Variants in SLC38A9 observed in about 807,000 individuals in gnomAD.
SLC38A9 encodes neutral amino acid transporter 9.
A neutral mutation model predicts 62.3 loss-of-function variants in SLC38A9; 48 were observed. That is an observed-to-expected ratio of 0.77 (90% CI 0.61 to 0.98). The LOEUF (loss-of-function observed/expected upper bound fraction) is 0.98. Among genes scored for constraint, SLC38A9 ranks in the 50% least tolerant of loss-of-function variants. SLC38A9 has a pLI of 0.00. For synonymous variants in SLC38A9, 204 were observed against 227.7 expected (o/e 0.90, Z 0.94); for missense variants, 541 against 679.8 (o/e 0.80, Z 2.27).
At chr5:55,690,947 T>C (rs6897117) in intron 3 of SLC38A9, among the ~76,000 whole-genome samples, 108,156 of 152,048 alleles carry the variant, frequency 0.71, 38,545 homozygotes, top group South Asian at 0.82. Context: ...CCTAAGACCT[T>C]AAGTACCAAA....
chr5:55,695,084 ACT>A (rs1389085080), intron 3 of SLC38A9, among the ~76,000 whole-genome samples: 2 of 151,560 alleles, frequency 1.3e-5, no homozygotes, highest in Non-Finnish European at 2.9e-5. Flanking sequence ...CAAAACAAAA[ACT>A]CTAAGTCCTA....
intron 8 of SLC38A9, among the ~76,000 whole-genome samples, chr5:55,659,707 C>G (rs1231916572): frequency 6.6e-6 from 1 of 151,584 alleles, no homozygotes; most frequent in Non-Finnish European, 1.5e-5. Context: ...TTTTAATTCA[C>G]AGATGATATG....
intron 14 of SLC38A9, 70 bp from the exon 15 acceptor site, chr5:55,628,050 G>C (rs2150006693): frequency 1.1e-6 from 1 of 916,536 alleles, no homozygotes; most frequent in African/African-American, 1.7e-5. Context: ...CCACTAATAT[G>C]AGACTACAGT....
chr5:55,671,378 T>A (rs1199442574), intron 4 of SLC38A9, among the ~76,000 whole-genome samples: 1 of 152,012 alleles, frequency 6.6e-6, no homozygotes, highest in Admixed American at 6.5e-5. Flanking sequence ...ATGAAGAATA[T>A]CATGTGACCT....
intron 3 of SLC38A9, chr5:55,693,075 C>T: frequency 1.2e-6 from 1 of 867,916 alleles, no homozygotes; most frequent in Non-Finnish European, 1.4e-6. Flanking sequence ...CATTGTGACT[C>T]AAAAAAATAA....
chr5:55,642,472 T>C (rs1158543590), intron 12 of SLC38A9, among the ~76,000 whole-genome samples: 2 of 152,194 alleles, frequency 1.3e-5, no homozygotes. Context: ...TACATGAGGT[T>C]GTTCTGTTAT....
chr5:55,692,319 G>C, intron 3 of SLC38A9, among the ~76,000 whole-genome samples: 1 of 152,176 alleles, frequency 6.6e-6, no homozygotes, highest in East Asian at 1.9e-4. Flanking sequence ...TATTGCCAAA[G>C]TCATAAGGTA....
At chr5:55,644,729 T>C (rs1433551049) in intron 12 of SLC38A9, among the ~76,000 whole-genome samples, 1 of 152,072 alleles carries the variant, frequency 6.6e-6, no homozygotes, top group Non-Finnish European at 1.5e-5. Flanking sequence ...GCATTATTAT[T>C]ATTATACTTT....
In SLC38A9 at chr5:55,657,591, TA is replaced by T. The variant is rs370271119; in HGVS notation, c.698-818del. 2.7e-3 allele frequency among the ~76,000 whole-genome samples: 417 copies of T among 151,998 alleles called. 1 individual carries two copies. Among genetic ancestry groups the T allele is most frequent in the African/African-American group, 9.4e-3 (388 of 41,464 alleles). The stretch of plus-strand genomic sequence containing the variant: ...AACCACTGAGTTAGACTAAAGGAAG[TA>T]ACAAAGAACAAAGCACATGCAGATG... On this transcript the variant is annotated intron_variant, in intron 8 of 15. Transcript: ENST00000396865.
At chr5:55,635,390 G>C (rs915664754) in intron 13 of SLC38A9, 154 bp downstream of exon 13, 2 of 681,698 alleles carry the variant, frequency 2.9e-6, no homozygotes, top group Non-Finnish European at 5.3e-6. Flanking sequence ...AAAGAAAAGG[G>C]AAGGTGCCTA....
chr5:55,711,228 G>A (rs905231829), intron 2 of SLC38A9: 1 of 152,026 alleles, frequency 6.6e-6, no homozygotes, highest in South Asian at 2.1e-4. Flanking sequence ...GGGAGGCGGA[G>A]GTTGCAGTGA....
At position 55,633,829 on chromosome 5, in the gene SLC38A9, A is replaced by T. The variant is rs1394637025; in HGVS notation, c.1355T>A (p.Met452Lys). Reference sequence around the variant, plus strand: ...GTAGCCTAAGAGTGGGTATACAGTCATCATCTGGAACAGCAGGAATATCCT... The same window carrying T: ...GTAGCCTAAGAGTGGGTATACAGTCTTCATCTGGAACAGCAGGAATATCCT... ...IARIFLLFQM[M>K]TVYPLLGYLA... Residue 452 changes from methionine to lysine, a missense_variant, in exon 14 of 16, where the codon ATG (methionine) becomes AAG (lysine). By Grantham distance (95) the Met-to-Lys change is moderately conservative. Coordinates refer to ENST00000396865, the MANE Select transcript of SLC38A9 (RefSeq NM_173514.4). The T allele has an allele frequency of 6.2e-7, 1 of 1,614,074 alleles. No homozygotes were observed. The highest frequency in any genetic ancestry group is 1.3e-5 in the African/African-American group (1 of 74,938).
intron 9 of SLC38A9, among the ~76,000 whole-genome samples, chr5:55,653,664 C>CT (rs1234961775): frequency 9.7e-4 from 141 of 144,664 alleles, no homozygotes; most frequent in East Asian, 1.8e-3. Flanking sequence ...ATGTATGTTT[C>CT]TTTTTTTTTT....
chr5:55,663,146 C>T (rs917088361), intron 8 of SLC38A9, among the ~76,000 whole-genome samples: 4 of 151,794 alleles, frequency 2.6e-5, no homozygotes, highest in African/African-American at 7.3e-5. Flanking sequence ...CCACCAGCCT[C>T]GTCCTCCCAA....
Position 55,677,926 on chromosome 5 carries a change from T to TGTGTGTGTGTGTGTGTGTGTGTGTG in SLC38A9, c.114-5232_114-5231insCACACACACACACACACACACACAC, listed in dbSNP as rs1554062822. On this transcript the variant is annotated intron_variant, in intron 3 of 15. Transcript: ENST00000396865. ...TAAATCAATACTTTTTTTTTCTTTATTGTGTGTGTGTGTGTGTGTGTGTGT... is the reference window on the plus strand; with the variant it reads ...TAAATCAATACTTTTTTTTTCTTTATGTGTGTGTGTGTGTGTGTGTGTGTGTGTGTGTGTGTGTGTGTGTGTGTGT... 2.0e-3 allele frequency among the ~76,000 whole-genome samples: 227 copies of TGTGTGTGTGTGTGTGTGTGTGTGTG among 112,206 alleles called. 21 individuals carry two copies. The highest frequency in any genetic ancestry group is 4.6e-3 in the Middle Eastern group (1 of 218). 73.6% of individuals were successfully genotyped at this position (112,206 alleles called of 152,430 possible).
At chr5:55,632,809 A>T (rs1343815714) in intron 14 of SLC38A9, among the ~76,000 whole-genome samples, 1 of 152,178 alleles carries the variant, frequency 6.6e-6, no homozygotes, top group African/African-American at 2.4e-5. Flanking sequence ...AGATGAAAAA[A>T]ACACATGCTC....
rs35574937 is a variant in SLC38A9 at position 55,661,047 on chromosome 5, C to CA, written c.697+3645dup. On this transcript the variant is annotated intron_variant, in intron 8 of 15. Coordinates refer to ENST00000396865, the MANE Select transcript of SLC38A9 (RefSeq NM_173514.4). ...ATGTTAAGATCCCGAGGAAAAAGTC[C>CA]AAAAAAAAAGATACACAAGATCTTT... Among the ~76,000 whole-genome samples, 94 of 149,814 alleles carry CA rather than the reference C, an allele frequency of 6.3e-4. No individual in the cohort carries two copies. In the East Asian group the frequency reaches 0.017, roughly 26 times the overall value.
intron 3 of SLC38A9, among the ~76,000 whole-genome samples, chr5:55,683,651 A>C (rs13174712): frequency 2.0e-5 from 3 of 152,008 alleles, no homozygotes; most frequent in Non-Finnish European, 2.9e-5. Context: ...AGAATAATAC[A>C]ATATATATTT....
intron 3 of SLC38A9, chr5:55,672,943 A>G: frequency 2.7e-6 from 1 of 369,344 alleles, no homozygotes; most frequent in East Asian, 4.3e-5. Flanking sequence ...GAATTTAGCA[A>G]CCGAGAAGAC....
Sources: gnomAD v4.1 joint callset for allele counts (sites outside exome capture counted in the v4.1 genomes callset) on GRCh38, gnomAD v4.1.1 for gene constraint, MANE v1.5 for transcripts, NCBI Gene and HGNC (gene_info 2026-07-23, HGNC 2026-07-21) for gene names.